The following FREM2 variants were observed in gnomAD, a reference collection of about 807,000 sequenced individuals.
FREM2 encodes FRAS1 related extracellular matrix 2, also known as FRAS1-related extracellular matrix protein 2.
In FREM2, 119 loss-of-function variants were observed where a neutral mutation model predicts 219.9. The observed-to-expected ratio is 0.54, with a 90% CI of 0.47 to 0.63. FREM2 has a LOEUF of 0.63. FREM2 is among the 30% of genes least tolerant of loss of function. The pLI, the probability that FREM2 is intolerant of heterozygous loss-of-function variation, is 0.00. For missense variants in FREM2, 4,030 were observed against 3,993.6 expected (o/e 1.01, Z -0.25); for synonymous variants, 1,562 against 1,522.8 (o/e 1.03, Z -0.60).
In FREM2 at chr13:38,880,894, A is replaced by C; in HGVS notation, c.*107A>C. On this transcript the variant is annotated 3_prime_UTR_variant, in exon 24 of 24. Transcript: ENST00000280481. ...TAGAGAATGGAGGATGGCTGTGATG[A>C]AGCTGCTTAGAGAATATGACTGTAC... The C allele has an allele frequency of 2.3e-6, 3 of 1,288,186 alleles. No homozygotes were observed. The South Asian group carries it at 3.8e-5, about 16-fold the overall frequency. The allele number at this position is 1,288,186 out of a possible 1,614,324, so 79.8% of individuals were successfully genotyped here.
intron 17 of FREM2, 30 bp downstream of exon 17, chr13:38,872,964 A>G (rs1316411686): frequency 2.5e-6 from 4 of 1,603,776 alleles, no homozygotes; most frequent in Non-Finnish European, 3.4e-6. Flanking sequence ...AAAATTCTAT[A>G]GTTTTGTAAC....
In FREM2 at chr13:38,690,090, T is replaced by C. The variant is rs916795794; in HGVS notation, c.2746T>C (p.Leu916=). The C allele has an allele frequency of 1.2e-6, 2 of 1,614,132 alleles. No individual in the cohort carries two copies. Among genetic ancestry groups the C allele is most frequent in the South Asian group, 1.1e-5 (1 of 91,078 alleles). The part of the protein sequence containing the change: ...GDKSLTDSCS[L]EVSDRHHVVP... Reference sequence around the variant, plus strand: ...CAAGTCCCTGACTGATAGCTGCTCCTTGGAAGTCAGTGACAGACATCATGT... The same window carrying C: ...CAAGTCCCTGACTGATAGCTGCTCCCTGGAAGTCAGTGACAGACATCATGT... The change falls in exon 1 of 24, where the codon TTG becomes CTG. Residue 916 remains leucine (L), a synonymous_variant. Coordinates refer to ENST00000280481, the MANE Select transcript of FREM2 (RefSeq NM_207361.6).
chr13:38,814,590 T>G (rs777913236), intron 6 of FREM2, among the ~76,000 whole-genome samples: 1 of 152,162 alleles, frequency 6.6e-6, no homozygotes, highest in African/African-American at 2.4e-5. Flanking sequence ...GTTGGAACTA[T>G]GCTGAGTCAC....
intron 15 of FREM2, among the ~76,000 whole-genome samples, chr13:38,862,072 A>C (rs1396210099): frequency 6.6e-6 from 1 of 152,254 alleles, no homozygotes; most frequent in Non-Finnish European, 1.5e-5. Context: ...GAATGTGTGC[A>C]TCAATAACTT....
intron 16 of FREM2, among the ~76,000 whole-genome samples, chr13:38,871,074 A>G (rs1050482203): frequency 6.6e-5 from 10 of 152,156 alleles, no homozygotes; most frequent in Non-Finnish European, 1.5e-4. Flanking sequence ...AGCCGCCCAT[A>G]GAAACTACTG....
At chr13:38,739,686 C>T (rs1252004918) in intron 2 of FREM2, among the ~76,000 whole-genome samples, 2 of 152,158 alleles carry the variant, frequency 1.3e-5, no homozygotes, top group African/African-American at 2.4e-5. Context: ...CTGCGGCACC[C>T]TCACATCACC....
Position 38,816,703 on chromosome 13 carries a change from G to A in FREM2, c.6020-29870G>A, listed in dbSNP as rs35650139. On this transcript the variant is annotated intron_variant, in intron 6 of 23. Coordinates refer to ENST00000280481, the MANE Select transcript of FREM2 (RefSeq NM_207361.6). ...CCCGCTTTTACCATTTCTATTTAAT[G>A]TAGTAAATGAAGACCTAGCCGGAGC... 3.2e-3 allele frequency among the ~76,000 whole-genome samples: 491 copies of A among 152,174 alleles called. 3 individuals carry two copies. The highest frequency in any genetic ancestry group is 5.8e-3 in the Non-Finnish European group (396 of 67,966).
chr13:38,842,895 T>G (rs533991794), intron 6 of FREM2, among the ~76,000 whole-genome samples: 1 of 152,214 alleles, frequency 6.6e-6, no homozygotes, highest in South Asian at 2.1e-4. Context: ...CTGTAGGTAG[T>G]GAAAGTATCC....
In FREM2 at chr13:38,687,234, C is replaced by A; in HGVS notation, c.-111C>A. 1 of 1,451,700 alleles carries A rather than the reference C, an allele frequency of 6.9e-7. No homozygotes were observed. Among genetic ancestry groups the A allele is most frequent in the Non-Finnish European group, 9.4e-7 (1 of 1,061,280 alleles). The allele number at this position is 1,451,700 out of a possible 1,614,324, so 89.9% of individuals were successfully genotyped here. A position where few individuals can be genotyped will look rare whatever the true frequency, so the allele number is the denominator to read the frequency against. ...CAGCCCCGGCTACAGGAGGACCCCG[C>A]GGGCAACGCGCGGAGTTCCTGGCAC... On this transcript the variant is annotated 5_prime_UTR_variant, in exon 1 of 24. Coordinates refer to ENST00000280481, the MANE Select transcript of FREM2 (RefSeq NM_207361.6).
intron 4 of FREM2, among the ~76,000 whole-genome samples, chr13:38,777,746 T>A (rs79697099): frequency 0.01 from 1,594 of 152,306 alleles, 12 homozygotes; most frequent in Admixed American, 0.016. Context: ...TAACGTGAAG[T>A]TGAAAAGGAA....
At chr13:38,843,709 C>A (rs749434505) in intron 6 of FREM2, among the ~76,000 whole-genome samples, 54 of 152,090 alleles carry the variant, frequency 3.6e-4, no homozygotes, top group Non-Finnish European at 7.4e-4. Flanking sequence ...ATAAGGTTTT[C>A]TCCCAGTGGT....
intron 2 of FREM2, among the ~76,000 whole-genome samples, chr13:38,725,811 G>A (rs1181380618): frequency 2.0e-5 from 3 of 152,182 alleles, no homozygotes; most frequent in Non-Finnish European, 4.4e-5. Context: ...TGGATGAATG[G>A]CAAGGCTTTT....
chr13:38,834,997 G>A (rs1482507899), intron 6 of FREM2, among the ~76,000 whole-genome samples: 2 of 152,116 alleles, frequency 1.3e-5, no homozygotes, highest in African/African-American at 4.8e-5. Context: ...TATTGCTTTT[G>A]GTGTTTTAGT....
rs1313233667 is a variant in FREM2 at position 38,783,163 on chromosome 13, A to C, written c.5735A>C (p.Gln1912Pro). The change falls in exon 5 of 24, where the codon CAG becomes CCG. Residue 1912 changes from glutamine (Q) to proline (P), a missense_variant. By Grantham distance (76) the Gln-to-Pro change is moderately conservative. This residue lies in a region of FREM2 where 3,102 missense variants were observed against 2,950.7 expected (regional missense o/e 1.05). Transcript: ENST00000280481. ...IPIRRSGDVS[Q>P]ELMVVCYTQQ... ...ATCAGGAGGAGCGGAGATGTGAGCC[A>C]GGAGTTGATGGTGGTCTGTTATACC... is the stretch of plus-strand genomic sequence containing the variant. 4 of 1,613,996 alleles carry C rather than the reference A, an allele frequency of 2.5e-6. No homozygotes were observed. In the Admixed American group the frequency reaches 6.7e-5, roughly 27 times the overall value.
At position 38,734,332 on chromosome 13, in the gene FREM2, T is replaced by A. The variant is rs1430234365; in HGVS notation, c.5264-29972T>A. ...GCCTGGCTGGAGGCATAGGACAATA[T>A]GAGAAAAGAAAAGACCCAGAGGAGT... On this transcript the variant is annotated intron_variant, in intron 2 of 23. Coordinates refer to ENST00000280481, the MANE Select transcript of FREM2 (RefSeq NM_207361.6). Among the ~76,000 whole-genome samples, 4 of 152,202 alleles carry A rather than the reference T, an allele frequency of 2.6e-5. No individual in the cohort carries two copies. The East Asian group carries it at 5.8e-4, about 22-fold the overall frequency.
At chr13:38,811,260 T>C (rs1326265798) in intron 6 of FREM2, among the ~76,000 whole-genome samples, 1 of 152,024 alleles carries the variant, frequency 6.6e-6, no homozygotes, top group East Asian at 1.9e-4. Flanking sequence ...TAACAACTTT[T>C]TGTTTTATTG....
rs1566165881 is a variant in FREM2, at chr13:38,850,040, CCT to C, written c.6383_6384del (p.Pro2128GlnfsTer15). ...VSINDSVSDL[P>X]KMQFKERIYT... ...ACTTTAATCCTTTGTTTTTGCAGTGCCTAAGATGCAATTCAAAGAACGAATAT... is the reference window on the plus strand; with the variant it reads ...ACTTTAATCCTTTGTTTTTGCAGTGCAAGATGCAATTCAAAGAACGAATAT... On this transcript the variant is annotated frameshift_variant, in exon 9 of 24. Transcript: ENST00000280481. LOFTEE classifies it high-confidence loss of function. 4 of 1,612,986 alleles carry C rather than the reference CCT, an allele frequency of 2.5e-6. No homozygotes were observed. The highest frequency in any genetic ancestry group is 3.4e-6 in the Non-Finnish European group (4 of 1,179,104).
chr13:38,724,473 C>A (rs916788348), intron 2 of FREM2, among the ~76,000 whole-genome samples: 1 of 152,086 alleles, frequency 6.6e-6, no homozygotes, highest in Non-Finnish European at 1.5e-5. Context: ...TTATCACTAT[C>A]ATTTGTAAGA....
intron 6 of FREM2, among the ~76,000 whole-genome samples, chr13:38,834,992 C>T (rs78690321): frequency 6.6e-6 from 1 of 152,120 alleles, no homozygotes; most frequent in Non-Finnish European, 1.5e-5. Context: ...GTTGCTATTG[C>T]TTTTGGTGTT....
Sources: allele counts gnomAD v4.1 joint callset (sites outside exome capture counted in the v4.1 genomes callset), GRCh38; gene constraint gnomAD v4.1.1; regional missense constraint gnomAD v4.1.1; transcripts MANE v1.5; gene names NCBI Gene and HGNC (gene_info 2026-07-23, HGNC 2026-07-21).